NRCAM: variants seen among roughly 807,000 people sequenced by gnomAD.
NRCAM encodes the protein NgCAM-related cell adhesion molecule.
A neutral mutation model predicts 156.5 loss-of-function variants in NRCAM; 83 were observed. That is an observed-to-expected ratio of 0.53 (90% confidence interval 0.44 to 0.64). The LOEUF is 0.64. Among genes scored for constraint, NRCAM ranks in the 30% least tolerant of loss-of-function variants. The pLI, the probability that NRCAM is intolerant of heterozygous loss-of-function variation, is 0.00. For missense variants in NRCAM, 1,417 were observed against 1,597.3 expected, an observed-to-expected ratio of 0.89 and a Z score of 1.92; for synonymous variants, 538 against 563.9, an observed-to-expected ratio of 0.95 and a Z score of 0.65.
chr7:108,276,926 C>A (rs983302102), intron 3 of NRCAM, among the ~76,000 whole-genome samples: 1 of 152,130 alleles, frequency 6.6e-6, no homozygotes, highest in Non-Finnish European at 1.5e-5. Flanking sequence ...GTAAGGCAGG[C>A]CTGGTGGTGA....
At chr7:108,290,273 C>T (rs2154117675) in intron 3 of NRCAM, among the ~76,000 whole-genome samples, 1 of 152,132 alleles carries the variant, frequency 6.6e-6, no homozygotes, top group East Asian at 1.9e-4. Flanking sequence ...ACTAGGAAGA[C>T]AAACTAAGGA....
At chr7:108,204,217 T>C (rs2079773411) in intron 13 of NRCAM, among the ~76,000 whole-genome samples, 1 of 152,206 alleles carries the variant, frequency 6.6e-6, no homozygotes, top group South Asian at 2.1e-4. Context: ...TGTCTATTAA[T>C]GTTTTGGATA....
intron 1 of NRCAM, among the ~76,000 whole-genome samples, chr7:108,447,167 C>T (rs1427867277): frequency 6.6e-6 from 1 of 151,798 alleles, no homozygotes; most frequent in Non-Finnish European, 1.5e-5. Context: ...TACATTACAG[C>T]AGCTCACTCA....
intron 28 of NRCAM, among the ~76,000 whole-genome samples, chr7:108,174,594 C>A (rs2059782065): frequency 6.6e-6 from 1 of 152,230 alleles, no homozygotes; most frequent in Non-Finnish European, 1.5e-5. Flanking sequence ...CATATTACAA[C>A]TTATTCAAGC....
At chr7:108,390,187 C>CT (rs1339652355) in intron 2 of NRCAM, among the ~76,000 whole-genome samples, 1 of 152,016 alleles carries the variant, frequency 6.6e-6, no homozygotes, top group African/African-American at 2.4e-5. Flanking sequence ...TGGTCCTGGA[C>CT]TTTTTTTGGT....
intron 1 of NRCAM, among the ~76,000 whole-genome samples, chr7:108,412,904 TC>T (rs1797198864): frequency 1.3e-5 from 2 of 152,226 alleles, no homozygotes; most frequent in Admixed American, 1.3e-4. Flanking sequence ...TATATAGTAT[TC>T]TATTGTATAT....
chr7:108,366,738 T>C (rs1005314569), intron 2 of NRCAM, among the ~76,000 whole-genome samples: 1 of 152,148 alleles, frequency 6.6e-6, no homozygotes, highest in Non-Finnish European at 1.5e-5. Context: ...CTGGTGTAAA[T>C]ACCTAATTGC....
In NRCAM at chr7:108,372,175, C is replaced by A. The variant is rs549894666; in HGVS notation, c.-174+27261G>T. On this transcript the variant is annotated intron_variant, in intron 2 of 32. Coordinates refer to ENST00000379028, the MANE Select transcript of NRCAM (RefSeq NM_001037132.4). The stretch of plus-strand genomic sequence containing the variant: ...ATCTAGATATCCACAAATGAATAAA[C>A]CTGGTTTCTGATCTTATGCACACAA... Among the ~76,000 whole-genome samples the A allele has an allele frequency of 1.1e-4, 17 of 152,158 alleles. No homozygotes were observed. In the South Asian group the frequency reaches 3.3e-3, roughly 30 times the overall value.
chr7:108,163,331 A>G lies in NRCAM; in HGVS notation c.3467-2839T>C, dbSNP rs1184082913. On this transcript the variant is annotated intron_variant, in intron 30 of 32. Transcript: ENST00000379028. Reference sequence around the variant, plus strand: ...GCTCTGGCGTTGCTTGCTGTCATGGATATCTGTGCTCTGTGGTAGGAGGTC... The same window carrying G: ...GCTCTGGCGTTGCTTGCTGTCATGGGTATCTGTGCTCTGTGGTAGGAGGTC... Among the ~76,000 whole-genome samples the G allele has an allele frequency of 3.9e-5, 6 of 152,276 alleles. No individual in the cohort carries two copies. The South Asian group carries it at 1.2e-3, about 32-fold the overall frequency.
At chr7:108,444,678 C>A (rs1049673936) in intron 1 of NRCAM, among the ~76,000 whole-genome samples, 1 of 152,154 alleles carries the variant, frequency 6.6e-6, no homozygotes, top group Non-Finnish European at 1.5e-5. Context: ...TTCTACTCTG[C>A]CTATCTCCAA....
chr7:108,246,454 G>T (rs951148049), intron 3 of NRCAM, among the ~76,000 whole-genome samples: 4 of 152,150 alleles, frequency 2.6e-5, no homozygotes, highest in Non-Finnish European at 5.9e-5. Context: ...TGAGTCAGCG[G>T]TTTGGAGCAG....
Position 108,391,225 on chromosome 7 carries a change from A to T in NRCAM, c.-174+8211T>A, listed in dbSNP as rs546987800. ...GGGAGTCTAAGTCTCTTTGTAGGTC[A>T]CTAAGGACTTGCTTTATGAATCTGG... On this transcript the variant is annotated intron_variant, in intron 2 of 32. Coordinates refer to ENST00000379028, the MANE Select transcript of NRCAM (RefSeq NM_001037132.4). Among the ~76,000 whole-genome samples, 762 of 151,980 alleles carry T rather than the reference A, an allele frequency of 5.0e-3. 7 individuals are homozygous for T. The highest frequency in any genetic ancestry group is 0.017 in the African/African-American group (717 of 41,434).
At chr7:108,455,006 C>A (rs1206626106) in intron 1 of NRCAM, among the ~76,000 whole-genome samples, 1 of 152,066 alleles carries the variant, frequency 6.6e-6, no homozygotes, top group Non-Finnish European at 1.5e-5. Flanking sequence ...TCGGTGCCCG[C>A]GGCGCAGGGG....
intron 1 of NRCAM, among the ~76,000 whole-genome samples, chr7:108,454,157 A>G (rs1159537737): frequency 6.6e-6 from 1 of 152,222 alleles, no homozygotes; most frequent in Non-Finnish European, 1.5e-5. Flanking sequence ...GAATAAAAGA[A>G]TATGTAAAGG....
intron 3 of NRCAM, among the ~76,000 whole-genome samples, chr7:108,279,227 A>G (rs1377542010): frequency 1.3e-5 from 2 of 152,078 alleles, no homozygotes; most frequent in African/African-American, 4.8e-5. Flanking sequence ...ATAGTGGCAG[A>G]TTTTTCCTTG....
chr7:108,237,397 A>G (rs1004385370), intron 5 of NRCAM, among the ~76,000 whole-genome samples: 3 of 152,198 alleles, frequency 2.0e-5, no homozygotes, highest in Admixed American at 2.0e-4. Context: ...ACACAAAAAG[A>G]CCTATCTTTG....
chr7:108,224,850 T>C (rs1589035161), intron 10 of NRCAM, among the ~76,000 whole-genome samples: 1 of 152,130 alleles, frequency 6.6e-6, no homozygotes, highest in Non-Finnish European at 1.5e-5. Flanking sequence ...TTCAGGAGTA[T>C]ATTCAAATAA....
At chr7:108,369,773 T>C (rs2099616935) in intron 2 of NRCAM, among the ~76,000 whole-genome samples, 1 of 152,130 alleles carries the variant, frequency 6.6e-6, no homozygotes, top group African/African-American at 2.4e-5. Context: ...TAAGCATCTG[T>C]TTGCTGATTA....
At chr7:108,408,022 T>G (rs1156831121) in intron 1 of NRCAM, among the ~76,000 whole-genome samples, 2 of 152,210 alleles carry the variant, frequency 1.3e-5, no homozygotes, top group African/African-American at 4.8e-5. Context: ...TTTAAATTGA[T>G]GTGATTGATA....
Sources: gnomAD v4.1 joint callset for allele counts (sites outside exome capture counted in the v4.1 genomes callset) on GRCh38, gnomAD v4.1.1 for gene constraint, MANE v1.5 for transcripts, NCBI Gene and HGNC (gene_info 2026-07-23, HGNC 2026-07-21) for gene names.